The following TM9SF2 variants were observed in gnomAD, a reference collection of about 807,000 sequenced individuals.
TM9SF2 encodes transmembrane 9 superfamily member 2, also known as 76 kDa membrane protein.
Under a neutral mutation model 84.9 loss-of-function variants are expected in TM9SF2, and 13 were observed. The observed-to-expected ratio is 0.15, with a 90% confidence interval of 0.10 to 0.24. The LOEUF (loss-of-function observed/expected upper bound fraction) is 0.24. TM9SF2 is among the 10% of genes least tolerant of loss of function. The pLI is 1.00. For missense variants in TM9SF2, 562 were observed against 818.5 expected (o/e 0.69, Z 3.82); for synonymous variants, 273 against 285.8 (o/e 0.96, Z 0.45).
intron 1 of TM9SF2, among the ~76,000 whole-genome samples, chr13:99,516,308 T>C (rs958436917): frequency 6.6e-6 from 1 of 152,206 alleles, no homozygotes; most frequent in African/African-American, 2.4e-5. Context: ...TGTAGAGGAC[T>C]GTTGACAGCA....
rs530785435 is a variant in TM9SF2, at chr13:99,501,547, C to T, written c.-60C>T. The T allele has an allele frequency of 2.5e-6, 4 of 1,570,490 alleles. No individual in the cohort carries two copies. The highest frequency in any genetic ancestry group is 3.5e-6 in the Non-Finnish European group (4 of 1,157,476). On this transcript the variant is annotated 5_prime_UTR_variant, in exon 1 of 17. Coordinates refer to ENST00000376387, the MANE Select transcript of TM9SF2 (RefSeq NM_004800.3). ...GCCTTGTAGTCGTCTCCGAGACTCCCCACCCCTCCTTCCCTCTTGACCCCC... is the reference window on the plus strand; with the variant it reads ...GCCTTGTAGTCGTCTCCGAGACTCCTCACCCCTCCTTCCCTCTTGACCCCC...
chr13:99,559,507 A>G lies in TM9SF2; in HGVS notation c.1897A>G (p.Met633Val). 6.2e-7 allele frequency: 1 copy of G among 1,605,104 alleles called. No individual in the cohort carries two copies. The highest frequency in any genetic ancestry group is 8.5e-7 in the Non-Finnish European group (1 of 1,177,812). ...TILYFGYTMI[M>V]VLIFFLFTGT... ...TCTGTACTTTGGTTATACCATGATAATGGTTTTGATCTTCTTTCTTTTTAC... is the reference window on the plus strand; with the variant it reads ...TCTGTACTTTGGTTATACCATGATAGTGGTTTTGATCTTCTTTCTTTTTAC... Residue 633 changes from methionine to valine, a missense_variant, in exon 16 of 17, where the codon ATG becomes GTG. Transcript: ENST00000376387.
chr13:99,508,294 T>C (rs2139069249), intron 1 of TM9SF2, among the ~76,000 whole-genome samples: 1 of 152,218 alleles, frequency 6.6e-6, no homozygotes, highest in Non-Finnish European at 1.5e-5. Flanking sequence ...ACATCAGTGA[T>C]AATCTAGAGT....
At chr13:99,534,742 C>G (rs770291376) in intron 4 of TM9SF2, among the ~76,000 whole-genome samples, 1 of 152,176 alleles carries the variant, frequency 6.6e-6, no homozygotes, top group East Asian at 1.9e-4. Flanking sequence ...TTTATCCTTG[C>G]GAGTCTTCTT....
intron 15 of TM9SF2, among the ~76,000 whole-genome samples, chr13:99,556,901 A>T (rs1179618801): frequency 2.0e-5 from 3 of 152,052 alleles, no homozygotes; most frequent in African/African-American, 7.2e-5. Context: ...ATTCCTTTTT[A>T]TGGCAGAATG....
chr13:99,548,118 A>G (rs188064048), intron 11 of TM9SF2, among the ~76,000 whole-genome samples: 1,716 of 152,148 alleles, frequency 0.011, 33 homozygotes, highest in African/African-American at 0.039. Context: ...GCCTTACTTC[A>G]TGCCACACTC....
chr13:99,540,274 G>A (rs1356464341), intron 7 of TM9SF2, among the ~76,000 whole-genome samples: 1 of 151,518 alleles, frequency 6.6e-6, no homozygotes, highest in Non-Finnish European at 1.5e-5. Flanking sequence ...TGCAAACCTG[G>A]TGCAGTAAAT....
intron 1 of TM9SF2, among the ~76,000 whole-genome samples, chr13:99,515,973 C>T (rs575479560): frequency 6.6e-6 from 1 of 152,292 alleles, no homozygotes; most frequent in Admixed American, 6.5e-5. Flanking sequence ...CTCAGGTGAT[C>T]CGCCCGCCTT....
intron 11 of TM9SF2, among the ~76,000 whole-genome samples, chr13:99,547,802 A>G (rs536565423): frequency 6.6e-6 from 1 of 152,300 alleles, no homozygotes; most frequent in East Asian, 1.9e-4. Context: ...TCTGGGATAT[A>G]CAGTGATTCC....
In TM9SF2 at chr13:99,562,875, A is replaced by C. The variant is rs2046350171; in HGVS notation, c.*117A>C. On this transcript the variant is annotated 3_prime_UTR_variant, in exon 17 of 17. Coordinates refer to ENST00000376387, the MANE Select transcript of TM9SF2 (RefSeq NM_004800.3). Reference sequence around the variant, plus strand: ...TTATTGGCCTAGTAATCCTTCAGAAACACCGTAATTCTAAATAAACCTCTT... The same window carrying C: ...TTATTGGCCTAGTAATCCTTCAGAACCACCGTAATTCTAAATAAACCTCTT... 1.2e-5 allele frequency: 11 copies of C among 930,044 alleles called. No individual in the cohort carries two copies. The highest frequency in any genetic ancestry group is 1.5e-5 in the South Asian group (1 of 64,778). The allele number at this position is 930,044 out of a possible 1,614,324, so 57.6% of individuals were successfully genotyped here.
At chr13:99,545,195 AG>A (rs1446821719) in intron 10 of TM9SF2, among the ~76,000 whole-genome samples, 3 of 152,190 alleles carry the variant, frequency 2.0e-5, no homozygotes, top group African/African-American at 7.2e-5. Flanking sequence ...TTGTTAGTAA[AG>A]TTGTTCCAAA....
intron 7 of TM9SF2, 190 bp from the exon 8 acceptor site, chr13:99,540,524 T>C (rs2046254177): frequency 3.6e-6 from 1 of 277,596 alleles, no homozygotes; most frequent in African/African-American, 2.3e-5. Context: ...GGTTGCATAA[T>C]CTTACTCTGA....
intron 3 of TM9SF2, among the ~76,000 whole-genome samples, chr13:99,523,318 T>G (rs1333296253): frequency 6.6e-6 from 1 of 152,050 alleles, no homozygotes; most frequent in Non-Finnish European, 1.5e-5. Flanking sequence ...GCCCAGGTAA[T>G]TTTTTTATTT....
intron 1 of TM9SF2, among the ~76,000 whole-genome samples, chr13:99,503,709 CAAAAAAAAAAAAA>C (rs386380419): frequency 1.3e-5 from 1 of 78,502 alleles, no homozygotes; most frequent in Non-Finnish European, 2.5e-5. Context: ...GACTTTGTCT[CAAAAAAAAAAAAA>C]AAAAAAAAAA....
chr13:99,551,438 T>C (rs898982978), intron 12 of TM9SF2, among the ~76,000 whole-genome samples: 1 of 152,118 alleles, frequency 6.6e-6, no homozygotes, highest in African/African-American at 2.4e-5. Context: ...CAGTCCTAGG[T>C]GGAGTCAAAC....
At chr13:99,536,775 A>T in intron 5 of TM9SF2, 38 bp downstream of exon 5, 1 of 1,606,212 alleles carries the variant, frequency 6.2e-7, no homozygotes, top group Non-Finnish European at 8.5e-7. Context: ...TTTTTAAAAC[A>T]TGGCTTTTGA....
intron 14 of TM9SF2, among the ~76,000 whole-genome samples, chr13:99,554,941 C>T (rs925363721): frequency 2.1e-4 from 32 of 152,122 alleles, no homozygotes; most frequent in Non-Finnish European, 1.5e-5. Flanking sequence ...TTCTCAGATG[C>T]CTTCATTCTC....
In TM9SF2 at chr13:99,515,845, G is replaced by A. The variant is rs557716683; in HGVS notation, c.172-1769G>A. On this transcript the variant is annotated intron_variant, in intron 1 of 16. Transcript: ENST00000376387. ...CCTCCAGGGTTCAAGCAATTCTCCT[G>A]CCCCAGCCTCCCCAGTAGCTGGGAT... Among the ~76,000 whole-genome samples, 5 of 150,082 alleles carry A rather than the reference G, an allele frequency of 3.3e-5. No homozygotes were observed. In the East Asian group the frequency reaches 7.8e-4, roughly 23 times the overall value.
intron 12 of TM9SF2, among the ~76,000 whole-genome samples, chr13:99,550,437 G>A (rs1021769207): frequency 3.3e-5 from 5 of 152,080 alleles, no homozygotes; most frequent in Non-Finnish European, 5.9e-5. Flanking sequence ...TCTCTGTATT[G>A]TCTAACATTG....
Sources: gnomAD v4.1 joint callset for allele counts (sites outside exome capture counted in the v4.1 genomes callset) on GRCh38, gnomAD v4.1.1 for gene constraint, MANE v1.5 for transcripts, NCBI Gene and HGNC (gene_info 2026-07-23, HGNC 2026-07-21) for gene names.